The following ERICH6B variants were observed in gnomAD, a reference collection of about 807,000 sequenced individuals.
The protein encoded by ERICH6B is glutamate rich 6B, also known as glutamate-rich protein 6B.
A neutral mutation model predicts 80.0 loss-of-function variants in ERICH6B; 69 were observed. That is an observed-to-expected ratio of 0.86 (90% CI 0.71 to 1.05). The LOEUF is 1.05. Ranked by LOEUF, ERICH6B falls within the 50% of genes least tolerant of loss-of-function variation. The pLI is 0.00. For missense variants in ERICH6B, 754 were observed against 796.1 expected, an observed-to-expected ratio of 0.95 and a Z score of 0.64; for synonymous variants, 283 against 291.9, an observed-to-expected ratio of 0.97 and a Z score of 0.31.
chr13:45,583,850 T>A (rs538968299), intron 5 of ERICH6B, among the ~76,000 whole-genome samples: 6 of 152,178 alleles, frequency 3.9e-5, no homozygotes, highest in South Asian at 2.1e-4. Context: ...AACATCTTTT[T>A]CTTTATAAAT....
At chr13:45,552,258 T>C (rs1182312106) in intron 11 of ERICH6B, among the ~76,000 whole-genome samples, 2 of 152,194 alleles carry the variant, frequency 1.3e-5, no homozygotes, top group Non-Finnish European at 2.9e-5. Flanking sequence ...TCAATTATAA[T>C]AGATGTTTTG....
chr13:45,572,307 C>A (rs1875205568), intron 8 of ERICH6B, among the ~76,000 whole-genome samples: 1 of 152,168 alleles, frequency 6.6e-6, no homozygotes, highest in Admixed American at 6.5e-5. Context: ...TTCATCTGTA[C>A]CACTACATAT....
At chr13:45,597,867 C>T (rs1876468650) in intron 2 of ERICH6B, among the ~76,000 whole-genome samples, 1 of 152,152 alleles carries the variant, frequency 6.6e-6, no homozygotes, top group Admixed American at 6.5e-5. Flanking sequence ...TTCCACTCCT[C>T]CTCCTCTCCA....
At chr13:45,582,774 A>G (rs1239617166) in intron 5 of ERICH6B, among the ~76,000 whole-genome samples, 1 of 152,226 alleles carries the variant, frequency 6.6e-6, no homozygotes, top group Non-Finnish European at 1.5e-5. Context: ...TATCTTGTCC[A>G]GGAACATCAG....
At chr13:45,576,028 C>T (rs1017252369) in intron 7 of ERICH6B, among the ~76,000 whole-genome samples, 28 of 152,172 alleles carry the variant, frequency 1.8e-4, no homozygotes, top group Non-Finnish European at 2.9e-5. Flanking sequence ...GACTGATATC[C>T]TGTTTGATTT....
intron 9 of ERICH6B, among the ~76,000 whole-genome samples, chr13:45,564,795 T>C (rs576046182): frequency 3.9e-5 from 6 of 152,334 alleles, no homozygotes; most frequent in Admixed American, 3.3e-4. Flanking sequence ...CTATCCTTTA[T>C]GCTCAGAGCA....
chr13:45,598,957 G>A (rs1949807401), intron 2 of ERICH6B, among the ~76,000 whole-genome samples: 1 of 152,164 alleles, frequency 6.6e-6, no homozygotes, highest in African/African-American at 2.4e-5. Flanking sequence ...GAGCTCTCTA[G>A]CAGGCTGACC....
intron 9 of ERICH6B, among the ~76,000 whole-genome samples, chr13:45,566,759 A>T (rs1168472087): frequency 6.6e-6 from 1 of 152,192 alleles, no homozygotes. Flanking sequence ...TGCAGTGTGG[A>T]TGGGAAATGT....
rs1875542566 is a variant in ERICH6B, at chr13:45,579,035, CT to C, written c.961+897del. 2.8e-5 allele frequency among the ~76,000 whole-genome samples: 4 copies of C among 145,110 alleles called. No homozygotes were observed. In the South Asian group the frequency reaches 9.8e-4, roughly 35 times the overall value. On this transcript the variant is annotated intron_variant, in intron 7 of 14. Coordinates refer to ENST00000298738, the MANE Select transcript of ERICH6B (RefSeq NM_182542.3). ...ACTGGGCAAGAGAGTGAGACCCTGT[CT>C]AAAGAAAAAAGAAAGGTCAGATCTC...
In ERICH6B at chr13:45,587,228, G is replaced by A; in HGVS notation, c.691C>T (p.Pro231Ser). 1 of 1,551,596 alleles carries A rather than the reference G, an allele frequency of 6.4e-7. No homozygotes were observed. Among genetic ancestry groups the A allele is most frequent in the Non-Finnish European group, 8.7e-7 (1 of 1,146,950 alleles). The change falls in exon 5 of 15, where the codon CCA becomes TCA. Residue 231 changes from proline to serine, a missense_variant. Physicochemically the swap from Pro to Ser is moderately conservative, Grantham distance 74 (BLOSUM62 -1). Transcript: ENST00000298738. ...QTMLLRDARS[P>S]DAGPSQVTTF... Reference sequence around the variant, plus strand: ...GTCACCTGAGAGGGGCCAGCGTCTGGACTCCTGTCAGAGGGGAGAACAGGA... The same window carrying A: ...GTCACCTGAGAGGGGCCAGCGTCTGAACTCCTGTCAGAGGGGAGAACAGGA...
At chr13:45,602,996 A>C (rs961777599) in intron 2 of ERICH6B, among the ~76,000 whole-genome samples, 2 of 152,242 alleles carry the variant, frequency 1.3e-5, no homozygotes, top group Non-Finnish European at 2.9e-5. Flanking sequence ...AAGCTGGAGA[A>C]TCAGGAAAGC....
In ERICH6B at chr13:45,596,380, T is replaced by C. The variant is rs1271184409; in HGVS notation, c.626A>G (p.Lys209Arg). Residue 209 changes from lysine to arginine, a missense_variant, in exon 3 of 15, where the codon AAG (lysine) becomes AGG (arginine). By Grantham distance (26) the Lys-to-Arg change is conservative (BLOSUM62 2). Coordinates refer to ENST00000298738, the MANE Select transcript of ERICH6B (RefSeq NM_182542.3). ...CTCCAGATACTCACCTTTCAGATAC[T>C]TTTTATACAGATTTTCTTTTCCATC... ...NLDGKENLYKKYLKEPKASYS... is the reference protein window; with the variant it reads ...NLDGKENLYKRYLKEPKASYS... 1.3e-6 allele frequency: 2 copies of C among 1,550,342 alleles called. No homozygotes were observed. Among genetic ancestry groups the C allele is most frequent in the Non-Finnish European group, 1.7e-6 (2 of 1,146,610 alleles).
intron 8 of ERICH6B, among the ~76,000 whole-genome samples, chr13:45,571,215 C>T: frequency 6.6e-6 from 1 of 152,154 alleles, no homozygotes. Flanking sequence ...CATACTTTGT[C>T]ACCTGGACCC....
rs115960162 is a variant in ERICH6B, at chr13:45,553,768, G to A, written c.1408-3452C>T. 6.4e-3 allele frequency among the ~76,000 whole-genome samples: 972 copies of A among 152,060 alleles called. 15 individuals are homozygous for A. Among genetic ancestry groups the A allele is most frequent in the African/African-American group, 0.022 (932 of 41,466 alleles). ...AACCATTAAGCTCCCAGCCACCTGCGACATTTAGTATACAAAGCACTGCTT... is the reference window on the plus strand; with the variant it reads ...AACCATTAAGCTCCCAGCCACCTGCAACATTTAGTATACAAAGCACTGCTT... On this transcript the variant is annotated intron_variant, in intron 11 of 14. Coordinates refer to ENST00000298738, the MANE Select transcript of ERICH6B (RefSeq NM_182542.3).
At chr13:45,560,718 C>T (rs1874636733) in intron 11 of ERICH6B, among the ~76,000 whole-genome samples, 1 of 152,056 alleles carries the variant, frequency 6.6e-6, no homozygotes, top group Admixed American at 6.6e-5. Flanking sequence ...TAATATGTAA[C>T]CTTTTCAGAT....
In ERICH6B at chr13:45,579,864, G is replaced by T; in HGVS notation, c.961+69C>A. ...ATCAGAGAGGGAGCCACCTGCTAGGGGCACCTTCCCCACCCAGGGCACTCT... is the reference window on the plus strand; with the variant it reads ...ATCAGAGAGGGAGCCACCTGCTAGGTGCACCTTCCCCACCCAGGGCACTCT... On this transcript the variant is annotated intron_variant, in intron 7 of 14. Coordinates refer to ENST00000298738, the MANE Select transcript of ERICH6B (RefSeq NM_182542.3). The T allele has an allele frequency of 1.7e-5, 26 of 1,486,886 alleles. No homozygotes were observed. In the South Asian group the frequency reaches 2.8e-4, roughly 16 times the overall value. The allele number at this position is 1,486,886 out of a possible 1,614,324, so 92.1% of individuals were successfully genotyped here.
chr13:45,586,499 C>G (rs922671875), intron 5 of ERICH6B, among the ~76,000 whole-genome samples: 2 of 152,110 alleles, frequency 1.3e-5, no homozygotes, highest in African/African-American at 4.8e-5. Flanking sequence ...AATGAAGACC[C>G]TTAATGCAAT....
chr13:45,600,554 C>T (rs998306918), intron 2 of ERICH6B, among the ~76,000 whole-genome samples: 4 of 152,152 alleles, frequency 2.6e-5, no homozygotes, highest in Non-Finnish European at 5.9e-5. Flanking sequence ...GAGTCTCCAT[C>T]GTCTATTATT....
intron 1 of ERICH6B, among the ~76,000 whole-genome samples, chr13:45,612,847 A>G (rs1949907532): frequency 6.6e-6 from 1 of 152,098 alleles, no homozygotes; most frequent in South Asian, 2.1e-4. Flanking sequence ...AAATTGCCCC[A>G]CTTAGTCATT....
Sources: allele counts gnomAD v4.1 joint callset (sites outside exome capture counted in the v4.1 genomes callset), GRCh38; gene constraint gnomAD v4.1.1; transcripts MANE v1.5; gene names NCBI Gene and HGNC (gene_info 2026-07-23, HGNC 2026-07-21).